The following THSD7A variants were observed in gnomAD, a reference collection of about 807,000 sequenced individuals.
THSD7A encodes thrombospondin type 1 domain containing 7A, also known as thrombospondin type-1 domain-containing protein 7A.
Under a neutral mutation model 231.3 loss-of-function variants are expected in THSD7A, and 96 were observed. The ratio of observed to expected loss-of-function variants is 0.41; its 90% CI spans 0.35 to 0.49. The LOEUF is 0.49. Among genes scored for constraint, THSD7A ranks in the 20% least tolerant of loss-of-function variants. THSD7A has a pLI of 0.05. For missense variants in THSD7A, 2,290 were observed against 2,070.2 expected (o/e 1.11, Z -2.06); for synonymous variants, 940 against 743.3 (o/e 1.26, Z -4.30).
chr7:11,795,007 G>A (rs905836012), intron 1 of THSD7A, among the ~76,000 whole-genome samples: 1 of 151,956 alleles, frequency 6.6e-6, no homozygotes, highest in Non-Finnish European at 1.5e-5. Context: ...AGAACAATTT[G>A]AAGTATGCAT....
Position 11,636,388 on chromosome 7 carries a change from A to C in THSD7A, c.764T>G (p.Leu255Arg), listed in dbSNP as rs1455859838. 1 of 1,613,770 alleles carries C rather than the reference A, an allele frequency of 6.2e-7. No homozygotes were observed. Residue 255 changes from leucine to arginine, a missense_variant, in exon 2 of 28, where the codon CTG becomes CGG. Leu to Arg is a moderately radical substitution (Grantham distance 102). Transcript: ENST00000423059. This position sits in a 1 kb window ranked among gnomAD's most constrained non-coding sequence, Gnocchi z 10.0. ...GCAGGTGCTCCAGGGCCCCACATGCAGGCTGTACCTGAGCTCCTCGGCCTC... is the reference window on the plus strand; with the variant it reads ...GCAGGTGCTCCAGGGCCCCACATGCCGGCTGTACCTGAGCTCCTCGGCCTC... ...PCEAEELRYS[L>R]HVGPWSTCSM... is the part of the protein sequence containing the mutation.
At chr7:11,451,692 G>T (rs750546319) in intron 11 of THSD7A, among the ~76,000 whole-genome samples, 1 of 151,674 alleles carries the variant, frequency 6.6e-6, no homozygotes, top group Non-Finnish European at 1.5e-5. Flanking sequence ...GGACTAAAAG[G>T]GAATAGATAA....
chr7:11,546,204 T>TG (rs1562706169), intron 4 of THSD7A, among the ~76,000 whole-genome samples: 12 of 140,266 alleles, frequency 8.6e-5, no homozygotes, highest in African/African-American at 3.2e-4. Context: ...GGGCGCGCGC[T>TG]CACACACACA....
chr7:11,613,807 C>T (rs991011497), intron 2 of THSD7A, among the ~76,000 whole-genome samples: 2 of 152,182 alleles, frequency 1.3e-5, no homozygotes, highest in Non-Finnish European at 2.9e-5. Flanking sequence ...GTAGTTTGAT[C>T]TCCCCTGAAT....
chr7:11,403,663 T>A (rs1016279531), intron 22 of THSD7A, among the ~76,000 whole-genome samples: 14 of 152,304 alleles, frequency 9.2e-5, no homozygotes, highest in African/African-American at 3.4e-4. Context: ...GCAATTCACA[T>A]TTAGCATCAT....
chr7:11,676,675 G>C (rs1222438809), intron 1 of THSD7A, among the ~76,000 whole-genome samples: 1 of 152,174 alleles, frequency 6.6e-6, no homozygotes, highest in South Asian at 2.1e-4. Flanking sequence ...ATCAGAGATA[G>C]AAGATGGACT....
intron 1 of THSD7A, among the ~76,000 whole-genome samples, chr7:11,673,908 T>G (rs146547601): frequency 0.01 from 1,547 of 152,146 alleles, 34 homozygotes; most frequent in African/African-American, 0.035. Flanking sequence ...CATGGATACC[T>G]GCTAGGCTGA....
chr7:11,546,202 G>GCGCGCGCACACACACA (rs761841418), intron 4 of THSD7A, among the ~76,000 whole-genome samples: 7 of 129,452 alleles, frequency 5.4e-5, no homozygotes, highest in African/African-American at 1.7e-4. Flanking sequence ...GTGGGCGCGC[G>GCGCGCGCACACACACA]CTCACACACA....
chr7:11,615,713 C>T (rs374143812), intron 2 of THSD7A, among the ~76,000 whole-genome samples: 2 of 152,154 alleles, frequency 1.3e-5, no homozygotes, highest in Admixed American at 6.5e-5. Flanking sequence ...CTTTTAATTG[C>T]CAATTTCCAA....
chr7:11,408,275 G>A (rs1472902137), intron 19 of THSD7A, among the ~76,000 whole-genome samples: 2 of 152,216 alleles, frequency 1.3e-5, no homozygotes, highest in South Asian at 4.1e-4. Context: ...TTGGGAGACC[G>A]AGGTGGGCGG....
chr7:11,523,556 G>A (rs1158105203), intron 6 of THSD7A, among the ~76,000 whole-genome samples: 1 of 151,964 alleles, frequency 6.6e-6, no homozygotes, highest in African/African-American at 2.4e-5. Context: ...CAAAAAACAG[G>A]AGTCTGCAGC....
rs1782090283 is a variant in THSD7A at position 11,372,397 on chromosome 7, T to G, written c.*3397A>C. 1 of 151,798 alleles carries G rather than the reference T, an allele frequency of 6.6e-6. No individual in the cohort carries two copies. The highest frequency in any genetic ancestry group is 6.6e-5 in the Admixed American group (1 of 15,196). 9.4% of individuals were successfully genotyped at this position (151,798 alleles called of 1,614,324 possible). A position where few individuals can be genotyped will look rare whatever the true frequency, so the allele number is the denominator to read the frequency against. On this transcript the variant is annotated 3_prime_UTR_variant, in exon 28 of 28. Coordinates refer to ENST00000423059, the MANE Select transcript of THSD7A (RefSeq NM_015204.3). ...CTTATATGTCAATAAATATTTGCCT[T>G]GTTAGAAGTAATTTGTGCTTTGTTA...
intron 6 of THSD7A, among the ~76,000 whole-genome samples, chr7:11,493,013 G>T (rs1429044031): frequency 6.6e-6 from 1 of 152,026 alleles, no homozygotes; most frequent in East Asian, 1.9e-4. Flanking sequence ...TCCACCTTGG[G>T]AACCACACAT....
chr7:11,638,153 G>T (rs2128361691), intron 1 of THSD7A, among the ~76,000 whole-genome samples: 1 of 152,208 alleles, frequency 6.6e-6, no homozygotes, highest in Admixed American at 6.5e-5. Context: ...TATTCACATG[G>T]GGATTATGCA....
At chr7:11,719,544 G>T (rs1049922761) in intron 1 of THSD7A, among the ~76,000 whole-genome samples, 1 of 151,146 alleles carries the variant, frequency 6.6e-6, no homozygotes, top group African/African-American at 2.4e-5. Flanking sequence ...ATTATCTAAG[G>T]TACTTCCATG....
intron 6 of THSD7A, among the ~76,000 whole-genome samples, chr7:11,515,958 G>A (rs1464571460): frequency 1.3e-5 from 2 of 152,100 alleles, no homozygotes; most frequent in Non-Finnish European, 2.9e-5. Context: ...TATCAATCAT[G>A]ATTTAAAGTA....
chr7:11,742,252 G>A (rs1021916223), intron 1 of THSD7A, among the ~76,000 whole-genome samples: 2 of 152,030 alleles, frequency 1.3e-5, no homozygotes, highest in East Asian at 1.9e-4. Flanking sequence ...GTCTTTGATT[G>A]TGACAATTAG....
At chr7:11,714,805 C>T (rs936196874) in intron 1 of THSD7A, among the ~76,000 whole-genome samples, 2 of 151,366 alleles carry the variant, frequency 1.3e-5, no homozygotes, top group Admixed American at 1.3e-4. Context: ...TGTTTCTCTT[C>T]CCATTTAGCT....
At chr7:11,667,144 T>G (rs1783168436) in intron 1 of THSD7A, among the ~76,000 whole-genome samples, 1 of 152,106 alleles carries the variant, frequency 6.6e-6, no homozygotes, top group Admixed American at 6.6e-5. Context: ...TGACATTTAA[T>G]GCCCCCCTCA....
Sources: allele counts gnomAD v4.1 joint callset (sites outside exome capture counted in the v4.1 genomes callset), GRCh38; gene constraint gnomAD v4.1.1; non-coding constraint Gnocchi (gnomAD v3.1); transcripts MANE v1.5; gene names NCBI Gene and HGNC (gene_info 2026-07-23, HGNC 2026-07-21).